The following METTL15 variants were observed in gnomAD, a reference collection of about 807,000 sequenced individuals.
METTL15 encodes the protein 12S rRNA N(4)-cytidine methyltransferase METTL15.
In METTL15, 34 loss-of-function variants were observed where a neutral mutation model predicts 38.3. That is an observed-to-expected ratio of 0.89 (90% confidence interval 0.68 to 1.18). The LOEUF (loss-of-function observed/expected upper bound fraction) is 1.18, where lower values mean the gene tolerates loss of function less well. Ranked by LOEUF, METTL15 falls within the 50% of genes most tolerant of loss-of-function variation. METTL15 has a pLI of 0.00. For synonymous variants in METTL15, 162 were observed against 170.9 expected (o/e 0.95, Z 0.41); for missense variants, 438 against 498.4 (o/e 0.88, Z 1.15).
chr11:28,330,298 C>T, intron 6 of METTL15, 98 bp from the exon 7 acceptor site: 1 of 1,087,992 alleles, frequency 9.2e-7, no homozygotes, highest in South Asian at 1.9e-5. Flanking sequence ...AAACTTAGTT[C>T]ACTAAATATG....
At chr11:28,130,641 A>G (rs566501301) in intron 3 of METTL15, among the ~76,000 whole-genome samples, 1 of 152,294 alleles carries the variant, frequency 6.6e-6, no homozygotes, top group African/African-American at 2.4e-5. Flanking sequence ...TGAGGTGTAC[A>G]TATTGTCAAA....
rs191643223 is a variant in METTL15, at chr11:28,221,624, G to A, written c.407+10426G>A. On this transcript the variant is annotated intron_variant, in intron 4 of 6. Transcript: ENST00000407364. ...GCTGTGTTCCCTTGGAGGAGGAGAGGCACTCTTATTTTTAGAATTTCCAGT... is the reference window on the plus strand; with the variant it reads ...GCTGTGTTCCCTTGGAGGAGGAGAGACACTCTTATTTTTAGAATTTCCAGT... 3.6e-3 allele frequency among the ~76,000 whole-genome samples: 549 copies of A among 152,176 alleles called. 2 individuals are homozygous for A. Among genetic ancestry groups the A allele is most frequent in the Middle Eastern group, 0.01 (3 of 294 alleles).
At chr11:28,361,421 G>A (rs910327665) in intron 4 of METTL15, among the ~76,000 whole-genome samples, 2 of 151,982 alleles carry the variant, frequency 1.3e-5, no homozygotes, top group African/African-American at 2.4e-5. Context: ...AGAAAATATC[G>A]CCAAACTGTC....
At chr11:28,123,525 T>A (rs2133612194) in intron 3 of METTL15, among the ~76,000 whole-genome samples, 1 of 152,098 alleles carries the variant, frequency 6.6e-6, no homozygotes, top group African/African-American at 2.4e-5. Flanking sequence ...TCTTTTTTCC[T>A]TTGTGGTCAG....
intron 5 of METTL15, among the ~76,000 whole-genome samples, chr11:28,399,426 C>T (rs1040384928): frequency 5.9e-5 from 9 of 151,928 alleles, no homozygotes; most frequent in Non-Finnish European, 1.2e-4. Context: ...AAATGAAACT[C>T]TCCTTTCATC....
chr11:28,233,095 T>G (rs1446216772), intron 4 of METTL15, among the ~76,000 whole-genome samples: 1 of 152,024 alleles, frequency 6.6e-6, no homozygotes, highest in African/African-American at 2.4e-5. Context: ...AGGAATCACA[T>G]CTAATTTCAT....
At chr11:28,273,880 T>C (rs1445745800) in intron 4 of METTL15, among the ~76,000 whole-genome samples, 1 of 152,080 alleles carries the variant, frequency 6.6e-6, no homozygotes, top group Non-Finnish European at 1.5e-5. Context: ...TTCTAAGGCT[T>C]ATTCTTGCAA....
chr11:28,373,463 G>C (rs752818389), intron 5 of METTL15, among the ~76,000 whole-genome samples: 5,690 of 151,794 alleles, frequency 0.037, 346 homozygotes, highest in African/African-American at 0.13. Context: ...CTTTTTGATG[G>C]GGTTGTTTTT....
intron 5 of METTL15, among the ~76,000 whole-genome samples, chr11:28,380,028 G>A (rs1850364558): frequency 6.6e-6 from 1 of 151,728 alleles, no homozygotes; most frequent in African/African-American, 2.4e-5. Context: ...AGCTATTCCT[G>A]CTCTTTTTTT....
At chr11:28,500,578 G>A (rs1340755391) in intron 6 of METTL15, among the ~76,000 whole-genome samples, 1 of 151,894 alleles carries the variant, frequency 6.6e-6, no homozygotes, top group Non-Finnish European at 1.5e-5. Flanking sequence ...TGCCACCCAG[G>A]CTGGAGTGCA....
intron 6 of METTL15, 70 bp from the exon 7 acceptor site, chr11:28,330,326 C>G: frequency 7.5e-7 from 1 of 1,336,660 alleles, no homozygotes; most frequent in South Asian, 1.5e-5. Flanking sequence ...CTACACAATT[C>G]ATTAGATTTA....
chr11:28,239,500 T>C (rs911633320), intron 4 of METTL15, among the ~76,000 whole-genome samples: 1 of 152,340 alleles, frequency 6.6e-6, no homozygotes, highest in East Asian at 1.9e-4. Flanking sequence ...AGTTTTGTGT[T>C]TTGACTTGTC....
intron 6 of METTL15, among the ~76,000 whole-genome samples, chr11:28,463,569 G>A (rs11030345): frequency 0.42 from 64,413 of 151,892 alleles, 15,032 homozygotes; most frequent in Admixed American, 0.54. Context: ...AGATTGAAGG[G>A]CTCTAAGTCA....
At position 28,342,171 on chromosome 11, in the gene METTL15, A is replaced by C. The variant is rs546529319; in HGVS notation, c.*190-9919A>C. 5.3e-5 allele frequency among the ~76,000 whole-genome samples: 8 copies of C among 152,308 alleles called. 1 individual carries two copies. In the East Asian group the frequency reaches 9.6e-4, roughly 18 times the overall value. On this transcript the variant is annotated intron_variant and NMD_transcript_variant, in intron 3 of 7. Transcript: ENST00000532947. ...CTTCCTGGGAGCATTCACATTCTTC[A>C]TCCCAGTTGTTCTAGAAGCCCAGGT...
chr11:28,221,130 C>G (rs1437200595), intron 4 of METTL15, among the ~76,000 whole-genome samples: 1 of 152,182 alleles, frequency 6.6e-6, no homozygotes, highest in Admixed American at 6.5e-5. Flanking sequence ...TGAGGAAGTT[C>G]TCCTGGATAG....
At chr11:28,412,124 A>G (rs1850732905) in intron 5 of METTL15, among the ~76,000 whole-genome samples, 1 of 152,042 alleles carries the variant, frequency 6.6e-6, no homozygotes, top group Admixed American at 6.6e-5. Flanking sequence ...AGAAAGGGGA[A>G]CTGTAGTATA....
chr11:28,233,024 C>T (rs1271672010), intron 4 of METTL15, among the ~76,000 whole-genome samples: 2 of 151,908 alleles, frequency 1.3e-5, no homozygotes, highest in African/African-American at 2.4e-5. Flanking sequence ...GGAATTGAAG[C>T]GGACAACAAA....
At chr11:28,186,049 A>G in intron 3 of METTL15, among the ~76,000 whole-genome samples, 1 of 151,040 alleles carries the variant, frequency 6.6e-6, no homozygotes, top group Non-Finnish European at 1.5e-5. Flanking sequence ...AATGTTAAAC[A>G]TGGTATCTTT....
At chr11:28,508,365 A>G (rs1015264051) in intron 6 of METTL15, among the ~76,000 whole-genome samples, 1 of 152,186 alleles carries the variant, frequency 6.6e-6, no homozygotes, top group African/African-American at 2.4e-5. Context: ...CCTAACAAAT[A>G]CTTTTCAGTA....
Sources: allele counts gnomAD v4.1 joint callset (sites outside exome capture counted in the v4.1 genomes callset), GRCh38; gene constraint gnomAD v4.1.1; transcripts MANE v1.5; gene names NCBI Gene and HGNC (gene_info 2026-07-23, HGNC 2026-07-21).